The following WRN variants were observed in gnomAD, a reference collection of about 807,000 sequenced individuals.
The protein encoded by WRN is bifunctional 3'-5' exonuclease/ATP-dependent helicase WRN.
In WRN, 149 loss-of-function variants were observed where a neutral mutation model predicts 180.7. The observed-to-expected ratio is 0.82, with a 90% CI of 0.72 to 0.94. The LOEUF (loss-of-function observed/expected upper bound fraction) is 0.94. Among genes scored for constraint, WRN ranks in the 40% least tolerant of loss-of-function variants. The probability of loss-of-function intolerance (pLI) is 0.00; values close to 1 mark genes in which losing one functional copy is unlikely to be tolerated. For synonymous variants in WRN, 548 were observed against 568.9 expected, an observed-to-expected ratio of 0.96 and a Z score of 0.52; for missense variants, 1,661 against 1,700.1, an observed-to-expected ratio of 0.98 and a Z score of 0.40.
intron 3 of WRN, among the ~76,000 whole-genome samples, chr8:31,060,131 G>A (rs1812434515): frequency 6.6e-6 from 1 of 152,036 alleles, no homozygotes; most frequent in Non-Finnish European, 1.5e-5. Flanking sequence ...ACTTTTAAAG[G>A]TTGCCTTGTA....
At chr8:31,138,289 A>G (rs978897482) in intron 24 of WRN, among the ~76,000 whole-genome samples, 7 of 152,184 alleles carry the variant, frequency 4.6e-5, no homozygotes, top group Admixed American at 1.3e-4. Context: ...CTGAAATTCT[A>G]TGATGTTTTA....
chr8:31,068,303 G>A lies in WRN; in HGVS notation c.700G>A (p.Val234Met), dbSNP rs769291583. 6.2e-7 allele frequency: 1 copy of A among 1,608,868 alleles called. No individual in the cohort carries two copies. The highest frequency in any genetic ancestry group is 1.7e-5 in the Admixed American group (1 of 59,852). Residue 234 changes from valine to methionine, a missense_variant, in exon 7 of 35, where the codon GTG (valine) becomes ATG (methionine). By Grantham distance (21) the Val-to-Met change is conservative. Coordinates refer to ENST00000298139, the MANE Select transcript of WRN (RefSeq NM_000553.6). ...AAATTTAGAGATTTTGGATGATACT[G>A]TGCAAAGGTTTGCTATAAATAAAGG... is the stretch of plus-strand genomic sequence containing the variant. ...YRNLEILDDT[V>M]QRFAINKEEE... is the part of the protein sequence containing the mutation.
Position 31,174,992 on chromosome 8 carries a change from C to T in WRN, c.*1890C>T, listed in dbSNP as rs926528943. Among the ~76,000 whole-genome samples the T allele has an allele frequency of 1.4e-4, 22 of 151,806 alleles. No homozygotes were observed. Among genetic ancestry groups the T allele is most frequent in the Admixed American group, 1.3e-3 (20 of 15,196 alleles). On this transcript the variant is annotated 3_prime_UTR_variant, in exon 35 of 35. Coordinates refer to ENST00000298139, the MANE Select transcript of WRN (RefSeq NM_000553.6). Reference sequence around the variant, plus strand: ...GGGATTACAGGTGTGAGCCACCATGCACAGCCTTACATAAAGCCTTTTCTA... The same window carrying T: ...GGGATTACAGGTGTGAGCCACCATGTACAGCCTTACATAAAGCCTTTTCTA...
chr8:31,157,665 G>A (rs112507968), intron 33 of WRN, 135 bp downstream of exon 33: 4 of 1,306,582 alleles, frequency 3.1e-6, no homozygotes, highest in African/African-American at 2.9e-5. Flanking sequence ...TCTTTTTCTT[G>A]TTTTAGGAAA....
intron 20 of WRN, 127 bp downstream of exon 20, chr8:31,116,655 A>G (rs1390812234): frequency 1.5e-6 from 2 of 1,313,714 alleles, no homozygotes; most frequent in African/African-American, 1.5e-5. Flanking sequence ...CCTCTGATAA[A>G]TGTGGGAGAA....
At chr8:31,107,253 A>G (rs1334132352) in intron 18 of WRN, among the ~76,000 whole-genome samples, 1 of 51,810 alleles carries the variant, frequency 1.9e-5, no homozygotes, top group East Asian at 9.4e-4. Context: ...ACCGATTTCC[A>G]TTAATTTAGA....
At chr8:31,072,095 G>A (rs987197794) in intron 7 of WRN, among the ~76,000 whole-genome samples, 19 of 152,300 alleles carry the variant, frequency 1.2e-4, no homozygotes, top group African/African-American at 4.6e-4. Flanking sequence ...TGAGAATCCC[G>A]AGGAACTCTT....
At chr8:31,125,537 G>GATAGATATATATATATAT (rs1554529384) in intron 23 of WRN, among the ~76,000 whole-genome samples, 1 of 63,766 alleles carries the variant, frequency 1.6e-5, no homozygotes, top group African/African-American at 5.8e-5. Context: ...ATATTATGGA[G>GATAGATATATATATATAT]ATATATATAT....
Position 31,155,992 on chromosome 8 carries a change from C to T in WRN, c.3819+1237C>T, listed in dbSNP as rs187083375. 1.4e-4 allele frequency among the ~76,000 whole-genome samples: 21 copies of T among 152,296 alleles called. No individual in the cohort carries two copies. In the East Asian group the frequency reaches 4.0e-3, roughly 29 times the overall value. ...TGTTTCTTAAAGTTCCTTACAAAGGCCATTGCCCAAGAAACCAAATAATTC... is the reference window on the plus strand; with the variant it reads ...TGTTTCTTAAAGTTCCTTACAAAGGTCATTGCCCAAGAAACCAAATAATTC... On this transcript the variant is annotated intron_variant, in intron 32 of 34. Coordinates refer to ENST00000298139, the MANE Select transcript of WRN (RefSeq NM_000553.6).
intron 23 of WRN, among the ~76,000 whole-genome samples, chr8:31,129,479 AT>A (rs1419301890): frequency 6.6e-6 from 1 of 152,202 alleles, no homozygotes; most frequent in East Asian, 1.9e-4. Flanking sequence ...TCTTCAATGA[AT>A]TTGGAAGTTT....
In WRN at chr8:31,143,563, A is replaced by C. The variant is rs201274303; in HGVS notation, c.3323A>C (p.Lys1108Thr). 1.8e-5 allele frequency: 28 copies of C among 1,592,650 alleles called. No homozygotes were observed. The highest frequency in any genetic ancestry group is 2.2e-5 in the Non-Finnish European group (26 of 1,163,910). The change falls in exon 28 of 35, where the codon AAG (lysine) becomes ACG (threonine). Residue 1108 changes from lysine (K) to threonine (T), a missense_variant. This residue lies in a region of WRN where 1,141 missense variants were observed against 1,149.4 expected (regional missense o/e 0.99). Coordinates refer to ENST00000298139, the MANE Select transcript of WRN (RefSeq NM_000553.6). ...LSTEKKSNLE[K>T]LYSYKPCDKI... ...GTTTAAATGCAGTCTAACTTGGAGA[A>C]GTTATATTCTTATAAACCATGTGAT...
chr8:31,124,524 A>G lies in WRN; in HGVS notation c.2633A>G (p.His878Arg). ...CCTGTGATGTTTTTAATCGACAGGC[A>G]CCTTCTTACTGAGATACGTAATGAG... is the stretch of plus-strand genomic sequence containing the variant. ...WAPADINLNR[H>R]LLTEIRNEKF... The change falls in exon 22 of 35, where the codon CAC becomes CGC. Residue 878 changes from histidine to arginine, a missense_variant and splice_region_variant. By Grantham distance (29) the His-to-Arg change is conservative. Transcript: ENST00000298139. 1 of 1,611,542 alleles carries G rather than the reference A, an allele frequency of 6.2e-7. No individual in the cohort carries two copies.
chr8:31,166,926 T>A, intron 33 of WRN, 96 bp from the exon 34 acceptor site: 1 of 1,262,992 alleles, frequency 7.9e-7, no homozygotes. Flanking sequence ...CCTTCCACCT[T>A]CCTTTCTACA....
intron 11 of WRN, chr8:31,087,513 G>C (rs1441830657): frequency 2.8e-6 from 1 of 351,100 alleles, no homozygotes; most frequent in Non-Finnish European, 5.3e-6. Flanking sequence ...ATTTATGATA[G>C]CTTTCCCCAG....
At chr8:31,064,548 A>G in intron 4 of WRN, 114 bp downstream of exon 4, 2 of 1,418,484 alleles carry the variant, frequency 1.4e-6, no homozygotes, top group Non-Finnish European at 2.0e-6. Context: ...TCTCAAATTT[A>G]TTTAAGTATT....
chr8:31,057,707 C>T (rs937027245), intron 1 of WRN, among the ~76,000 whole-genome samples: 2 of 151,400 alleles, frequency 1.3e-5, no homozygotes, highest in Non-Finnish European at 2.9e-5. Context: ...TATCAGGGTA[C>T]GGATCCATTT....
chr8:31,141,047 G>A lies in WRN; in HGVS notation c.2968-383G>A, dbSNP rs541177076. On this transcript the variant is annotated intron_variant, in intron 24 of 34. Coordinates refer to ENST00000298139, the MANE Select transcript of WRN (RefSeq NM_000553.6). ...TAGGATTACAGGCATGCCGCATTGC[G>A]TTTTATATAATTCTCATGGTTCTAG... 3.9e-5 allele frequency among the ~76,000 whole-genome samples: 6 copies of A among 152,218 alleles called. No individual in the cohort carries two copies. The South Asian group carries it at 6.2e-4, about 16-fold the overall frequency.
At chr8:31,124,685 C>T in intron 22 of WRN, 62 bp downstream of exon 22, 5 of 1,462,616 alleles carry the variant, frequency 3.4e-6, no homozygotes, top group Non-Finnish European at 4.8e-6. Context: ...TTTAAGACAA[C>T]AATTTGGCTA....
At chr8:31,141,624 G>A (rs1255236318) in intron 25 of WRN, 24 bp downstream of exon 25, 8 of 1,614,034 alleles carry the variant, frequency 5.0e-6, no homozygotes, top group East Asian at 2.2e-5. Flanking sequence ...GAGTCTGCCT[G>A]TTTGACTTAA....
Sources: gnomAD v4.1 joint callset for allele counts (sites outside exome capture counted in the v4.1 genomes callset) on GRCh38, gnomAD v4.1.1 for gene constraint, gnomAD v4.1.1 regional missense constraint, MANE v1.5 for transcripts, NCBI Gene and HGNC (gene_info 2026-07-23, HGNC 2026-07-21) for gene names.